NEMF: variants seen among roughly 807,000 people sequenced by gnomAD.
NEMF encodes nuclear export mediator factor.
Under a neutral mutation model 162.2 loss-of-function variants are expected in NEMF, and 89 were observed. That is an observed-to-expected ratio of 0.55 (90% CI 0.46 to 0.65). NEMF has a LOEUF of 0.65. NEMF is among the 30% of genes least tolerant of loss of function. NEMF has a pLI of 0.00. For synonymous variants in NEMF, 421 were observed against 404.5 expected, an observed-to-expected ratio of 1.04 and a Z score of -0.49; for missense variants, 1,133 against 1,261.9, an observed-to-expected ratio of 0.90 and a Z score of 1.55.
At position 49,782,639 on chromosome 14, in the gene NEMF, T is replaced by A; in HGVS notation, c.*1997A>T. On this transcript the variant is annotated 3_prime_UTR_variant, in exon 33 of 33. Transcript: ENST00000298310. ...GCACTTAGATTATTTAAAATTGTGTTTCCTAAGACTTAGCACTCTCGAAAA... is the reference window on the plus strand; with the variant it reads ...GCACTTAGATTATTTAAAATTGTGTATCCTAAGACTTAGCACTCTCGAAAA... The A allele has an allele frequency of 4.6e-6, 7 of 1,508,024 alleles. No individual in the cohort carries two copies. The highest frequency in any genetic ancestry group is 6.3e-6 in the Non-Finnish European group (7 of 1,102,676). The allele number at this position is 1,508,024 out of a possible 1,614,324, so 93.4% of individuals were successfully genotyped here. A position where few individuals can be genotyped will look rare whatever the true frequency, so the allele number is the denominator to read the frequency against.
intron 3 of NEMF, among the ~76,000 whole-genome samples, chr14:49,847,468 T>C (rs1893561380): frequency 2.0e-5 from 3 of 150,564 alleles, no homozygotes; most frequent in South Asian, 4.2e-4. Flanking sequence ...CCTCCCAAAG[T>C]GTTAGGATTA....
At chr14:49,841,571 G>A (rs1418966890) in intron 4 of NEMF, among the ~76,000 whole-genome samples, 4 of 108,752 alleles carry the variant, frequency 3.7e-5, no homozygotes, top group South Asian at 3.1e-4. Flanking sequence ...CGAAACTCTC[G>A]TCTTAAGAAA....
intron 25 of NEMF, among the ~76,000 whole-genome samples, chr14:49,798,238 T>C (rs556021069): frequency 2.6e-5 from 4 of 152,354 alleles, no homozygotes; most frequent in Non-Finnish European, 5.9e-5. Context: ...AGTATGAAAG[T>C]GTTTAATGAA....
intron 18 of NEMF, among the ~76,000 whole-genome samples, chr14:49,812,856 C>T (rs1891542586): frequency 6.6e-6 from 1 of 151,856 alleles, no homozygotes; most frequent in African/African-American, 2.4e-5. Context: ...GCAATGGCAC[C>T]GTCTCAGCTC....
chr14:49,834,535 C>T, intron 6 of NEMF, 86 bp from the exon 7 acceptor site: 2 of 951,424 alleles, frequency 2.1e-6, no homozygotes, highest in Non-Finnish European at 3.2e-6. Context: ...TTACCCGTCG[C>T]CCAGGCCGGA....
chr14:49,842,706 T>A (rs952746532), intron 4 of NEMF, among the ~76,000 whole-genome samples: 5 of 152,166 alleles, frequency 3.3e-5, no homozygotes, highest in African/African-American at 1.2e-4. Flanking sequence ...AATTACTAAG[T>A]GCTGAAAAAC....
chr14:49,832,136 ATATT>A lies in NEMF; in HGVS notation c.807-14_807-11del, dbSNP rs771059478. The A allele has an allele frequency of 3.8e-6, 6 of 1,599,342 alleles. No individual in the cohort carries two copies. The highest frequency in any genetic ancestry group is 1.3e-5 in the African/African-American group (1 of 74,370). The stretch of plus-strand genomic sequence containing the variant: ...ATGAAATTCCTCATACCTGTAAAAC[ATATT>A]TATTATATCACATTCGAGAACATTA... On this transcript the variant is annotated splice_polypyrimidine_tract_variant and intron_variant, in intron 9 of 32. Transcript: ENST00000298310.
chr14:49,835,813 T>C (rs1248141415), intron 6 of NEMF, among the ~76,000 whole-genome samples: 2 of 152,292 alleles, frequency 1.3e-5, no homozygotes, highest in East Asian at 1.9e-4. Flanking sequence ...TTTATCAGGT[T>C]TGCAGGATAC....
At position 49,782,252 on chromosome 14, in the gene NEMF, T is replaced by A. The variant is rs1409617309; in HGVS notation, c.*2384A>T. On this transcript the variant is annotated 3_prime_UTR_variant, in exon 33 of 33. Transcript: ENST00000298310. ...CTTAAGATTTTACTTCTCGCCATGATGTTTTGGTCTGAACTACCTTAAGAT... is the reference window on the plus strand; with the variant it reads ...CTTAAGATTTTACTTCTCGCCATGAAGTTTTGGTCTGAACTACCTTAAGAT... 1.7e-6 allele frequency: 1 copy of A among 589,350 alleles called. No homozygotes were observed. Among genetic ancestry groups the A allele is most frequent in the African/African-American group, 1.9e-5 (1 of 52,350 alleles). The allele number at this position is 589,350 out of a possible 1,614,324, so 36.5% of individuals were successfully genotyped here. A position where few individuals can be genotyped will look rare whatever the true frequency, so the allele number is the denominator to read the frequency against.
chr14:49,829,072 T>C lies in NEMF; in HGVS notation c.1214A>G (p.His405Arg), dbSNP rs752617306. ...AACTTACCTTAGCAGCATTGTAACA[T>C]GGTTTGTTTGTAGTTTTAATTCTTT... Reference protein sequence around the residue: ...AIKELKLQTNHVTMLLRNPYL... With the variant: ...AIKELKLQTNRVTMLLRNPYL... Residue 405 changes from histidine to arginine, a missense_variant, in exon 13 of 33, where the codon CAT (histidine) becomes CGT (arginine). By Grantham distance (29) the His-to-Arg change is conservative (BLOSUM62 0). Coordinates refer to ENST00000298310, the MANE Select transcript of NEMF (RefSeq NM_004713.6). The C allele has an allele frequency of 1.9e-6, 3 of 1,614,014 alleles. No individual in the cohort carries two copies. Among genetic ancestry groups the C allele is most frequent in the Non-Finnish European group, 2.5e-6 (3 of 1,179,864 alleles).
intron 23 of NEMF, among the ~76,000 whole-genome samples, 200 bp from the exon 24 acceptor site, chr14:49,799,878 G>A (rs1231194128): frequency 6.6e-6 from 1 of 152,112 alleles, no homozygotes; most frequent in Non-Finnish European, 1.5e-5. Context: ...GACGTGTATT[G>A]AAAACTTACT....
At chr14:49,840,188 A>G (rs3100897) in intron 5 of NEMF, among the ~76,000 whole-genome samples, 152,237 of 152,264 alleles carry the variant, frequency 1, 76,105 homozygotes, top group Middle Eastern at 1. Flanking sequence ...ACAACCGAGC[A>G]CAGTGGCTCA....
intron 3 of NEMF, among the ~76,000 whole-genome samples, chr14:49,847,098 C>G (rs1359659353): frequency 2.0e-5 from 3 of 151,738 alleles, no homozygotes; most frequent in Admixed American, 1.3e-4. Flanking sequence ...GTTGGTCAGG[C>G]TGGTCTCGAA....
chr14:49,846,146 A>G lies in NEMF; in HGVS notation c.351T>C (p.Tyr117=). The change falls in exon 4 of 33, where the codon TAT becomes TAC. Residue 117 remains tyrosine, a synonymous_variant. Coordinates refer to ENST00000298310, the MANE Select transcript of NEMF (RefSeq NM_004713.6). The part of the protein sequence containing the change: ...EAAYHLIIEL[Y]DRGNIVLTDY... ...TCCCACAAATTTAACTTACCCTATC[A>G]TAGAGCTCAATGATTAAATGGTAAG... The G allele has an allele frequency of 6.2e-7, 1 of 1,613,134 alleles. No homozygotes were observed. Among genetic ancestry groups the G allele is most frequent in the Non-Finnish European group, 8.5e-7 (1 of 1,179,566 alleles).
chr14:49,851,699 G>A, intron 2 of NEMF, 34 bp from the exon 3 acceptor site: 1 of 1,560,698 alleles, frequency 6.4e-7, no homozygotes, highest in Non-Finnish European at 8.8e-7. Flanking sequence ...TTTCTTTAGG[G>A]TATATGCCAA....
intron 16 of NEMF, among the ~76,000 whole-genome samples, chr14:49,818,636 C>T (rs1594766264): frequency 6.6e-6 from 1 of 152,186 alleles, no homozygotes; most frequent in East Asian, 1.9e-4. Flanking sequence ...AGGTTAATTT[C>T]TCTAGAAAGG....
chr14:49,800,226 C>T (rs1431286133), intron 23 of NEMF, among the ~76,000 whole-genome samples, 194 bp downstream of exon 23: 1 of 152,050 alleles, frequency 6.6e-6, no homozygotes, highest in African/African-American at 2.4e-5. Flanking sequence ...AGTTTGGCCA[C>T]TCTATATGCA....
chr14:49,851,759 C>G (rs1187704796), intron 2 of NEMF, 48 bp downstream of exon 2: 1 of 1,454,596 alleles, frequency 6.9e-7, no homozygotes, highest in East Asian at 2.3e-5. Context: ...AATCAGTAAT[C>G]TCATACTTAA....
At chr14:49,813,946 A>G (rs1310532999) in intron 18 of NEMF, 42 bp downstream of exon 18, 1 of 1,180,734 alleles carries the variant, frequency 8.5e-7, no homozygotes, top group Non-Finnish European at 1.3e-6. Flanking sequence ...AAAATATTTT[A>G]AAGAAAGGAA....
Sources: gnomAD v4.1 joint callset for allele counts (sites outside exome capture counted in the v4.1 genomes callset) on GRCh38, gnomAD v4.1.1 for gene constraint, MANE v1.5 for transcripts, NCBI Gene and HGNC (gene_info 2026-07-23, HGNC 2026-07-21) for gene names.